Variants in UBXN6 observed in about 807,000 individuals in gnomAD.
The protein encoded by UBXN6 is UBX domain protein 6.
Under a neutral mutation model 51.4 loss-of-function variants are expected in UBXN6, and 44 were observed. The ratio of observed to expected loss-of-function variants is 0.86; its 90% CI spans 0.67 to 1.10. The LOEUF (loss-of-function observed/expected upper bound fraction) is 1.10. UBXN6 is among the 50% of genes least tolerant of loss of function. The pLI is 0.00. For synonymous variants in UBXN6, 316 were observed against 263.2 expected, an observed-to-expected ratio of 1.20 and a Z score of -1.94; for missense variants, 672 against 596.1, an observed-to-expected ratio of 1.13 and a Z score of -1.32.
chr19:4,446,482 C>T lies in UBXN6; in HGVS notation c.920+18G>A, dbSNP rs374622332. The T allele has an allele frequency of 1.4e-5, 23 of 1,599,264 alleles. No homozygotes were observed. Among genetic ancestry groups the T allele is most frequent in the Middle Eastern group, 1.7e-4 (1 of 6,042 alleles). On this transcript the variant is annotated intron_variant, in intron 8 of 10. Coordinates refer to ENST00000301281, the MANE Select transcript of UBXN6 (RefSeq NM_025241.3). The stretch of plus-strand genomic sequence containing the variant: ...CACCCCGCCCCGCCCCACTCTGCTC[C>T]GCGGACGTCAGGCCCACCTGAGCCT...
At chr19:4,447,033 G>T in intron 6 of UBXN6, 113 bp from the exon 7 acceptor site, 1 of 1,079,648 alleles carries the variant, frequency 9.3e-7, no homozygotes, top group Non-Finnish European at 1.4e-6. Flanking sequence ...GTCGACCCCT[G>T]GATGGGGCCC....
intron 1 of UBXN6, chr19:4,455,118 A>AGAGAC: frequency 1.3e-6 from 1 of 783,440 alleles, no homozygotes; most frequent in Non-Finnish European, 1.5e-6. Context: ...CCCACGTGGC[A>AGAGAC]CAGTGACCTG....
chr19:4,449,561 G>C (rs1207086275), intron 4 of UBXN6: 4 of 152,348 alleles, frequency 2.6e-5, no homozygotes, highest in African/African-American at 9.6e-5. Flanking sequence ...CAGCTTCCTT[G>C]GGATCAGAGC....
intron 4 of UBXN6, 74 bp from the exon 5 acceptor site, chr19:4,448,489 G>T: frequency 2.4e-6 from 3 of 1,250,290 alleles, no homozygotes; most frequent in Non-Finnish European, 2.3e-6. Context: ...CCAGGTAACA[G>T]GGGCAGGAAA....
intron 10 of UBXN6, chr19:4,445,824 GCACGTCACCGCTCC>G: frequency 4.8e-6 from 5 of 1,036,354 alleles, no homozygotes; most frequent in Non-Finnish European, 6.8e-6. Flanking sequence ...ACTAGCTAAC[GCACGTCACCGCTCC>G]CATTTGATGG....
chr19:4,452,888 G>C (rs1974678528), intron 3 of UBXN6, among the ~76,000 whole-genome samples: 1 of 152,172 alleles, frequency 6.6e-6, no homozygotes, highest in Non-Finnish European at 1.5e-5. Context: ...CCATTTCTAG[G>C]CCATCTCTAA....
rs1442728979 is a variant in UBXN6 at position 4,446,353 on chromosome 19, C to T, written c.981G>A (p.Glu327=). The change falls in exon 9 of 11, where the codon GAG becomes GAA. Residue 327 remains glutamate (E), a synonymous_variant. Transcript: ENST00000301281. ...LRTKAMREKE[E]QRGLRKYNYT... ...AGTTGTACTTGCGCAGCCCCCGCTGCTCCTCCTTCTCCCGCATGGCCTTGG... is the reference window on the plus strand; with the variant it reads ...AGTTGTACTTGCGCAGCCCCCGCTGTTCCTCCTTCTCCCGCATGGCCTTGG... 6.4e-7 allele frequency: 1 copy of T among 1,571,726 alleles called. No homozygotes were observed. The highest frequency in any genetic ancestry group is 8.6e-7 in the Non-Finnish European group (1 of 1,165,344).
chr19:4,445,387 G>A lies in UBXN6; in HGVS notation c.*111C>T. 3.9e-6 allele frequency: 6 copies of A among 1,543,392 alleles called. No homozygotes were observed. Among genetic ancestry groups the A allele is most frequent in the South Asian group, 1.2e-5 (1 of 82,084 alleles). ...GGCTGGCGCCCCTCCCGTGCCCATG[G>A]GGCAGAGCCAAGTATTTCCAGAGGT... On this transcript the variant is annotated 3_prime_UTR_variant, in exon 11 of 11. Transcript: ENST00000301281.
intron 4 of UBXN6, among the ~76,000 whole-genome samples, chr19:4,452,148 CAAA>C (rs558870909): frequency 3.8e-5 from 4 of 103,956 alleles, no homozygotes; most frequent in Non-Finnish European, 6.1e-5. Flanking sequence ...GACTCCATCT[CAAA>C]AAAAAAAAAA....
At chr19:4,452,337 G>A in intron 4 of UBXN6, 27 bp downstream of exon 4, 1 of 1,609,840 alleles carries the variant, frequency 6.2e-7, no homozygotes, top group South Asian at 1.1e-5. Flanking sequence ...TACAGGTTGG[G>A]GCAGGAGCAC....
At chr19:4,447,070 T>C (rs779496451) in intron 6 of UBXN6, 150 bp from the exon 7 acceptor site, 1 of 693,530 alleles carries the variant, frequency 1.4e-6, no homozygotes, top group Non-Finnish European at 2.4e-6. Flanking sequence ...CAGTGCTGGA[T>C]GCAAACCTGC....
chr19:4,453,654 C>A, intron 2 of UBXN6, 132 bp from the exon 3 acceptor site: 1 of 1,189,856 alleles, frequency 8.4e-7, no homozygotes, highest in South Asian at 1.4e-5. Context: ...TGCTGGAGGT[C>A]AGGCTGGAGG....
rs1162216255 is a variant in UBXN6 at position 4,446,121 on chromosome 19, A to G, written c.1128T>C (p.Pro376=). 1 of 1,612,442 alleles carries G rather than the reference A, an allele frequency of 6.2e-7. No individual in the cohort carries two copies. Among genetic ancestry groups the G allele is most frequent in the Admixed American group, 1.7e-5 (1 of 60,012 alleles). The change falls in exon 10 of 11, where the codon CCT becomes CCC. Residue 376 remains proline (P), a synonymous_variant. Transcript: ENST00000301281. ...GCCCTCCCGAGGCCAGCAGCTCAAAAGGCAGCCAGTCGCTCTGCAGGGCCT... is the reference window on the plus strand; with the variant it reads ...GCCCTCCCGAGGCCAGCAGCTCAAAGGGCAGCCAGTCGCTCTGCAGGGCCT... ...VREALQSDWL[P]FELLASGGQK...
Position 4,447,589 on chromosome 19 carries a change from C to A in UBXN6, c.576G>T (p.Glu192Asp). ...TCTGCAGCTTGATCTTCCGGTACTT[C>A]TCCTCCTCGGGGTGCAGGTGGATGT... ...LDNIHLHPEE[E>D]KYRKIKLQNK... The change falls in exon 6 of 11, where the codon GAG becomes GAT. Residue 192 changes from glutamate (E) to aspartate (D), a missense_variant. Transcript: ENST00000301281. 2 of 1,613,828 alleles carry A rather than the reference C, an allele frequency of 1.2e-6. No homozygotes were observed. Among genetic ancestry groups the A allele is most frequent in the Non-Finnish European group, 8.5e-7 (1 of 1,179,812 alleles).
Position 4,457,679 on chromosome 19 carries a change from C to G in UBXN6, c.19G>C (p.Glu7Gln). 1 of 1,595,272 alleles carries G rather than the reference C, an allele frequency of 6.3e-7. No individual in the cohort carries two copies. Among genetic ancestry groups the G allele is most frequent in the Non-Finnish European group, 8.5e-7 (1 of 1,172,834 alleles). Reference sequence around the variant, plus strand: ...TTGAACTTGATGTCGGCCTTGAACTCCTGAAAGAATTTCTTCATGGTGGCG... The same window carrying G: ...TTGAACTTGATGTCGGCCTTGAACTGCTGAAAGAATTTCTTCATGGTGGCG... The part of the protein sequence containing the change: MKKFFQ[E>Q]FKADIKFKSA... Residue 7 changes from glutamate to glutamine, a missense_variant, in exon 1 of 11, where the codon GAG becomes CAG. By Grantham distance (29) the Glu-to-Gln change is conservative. Transcript: ENST00000301281.
rs200646154 is a variant in UBXN6, at chr19:4,452,541, C to T, written c.313-49G>A. ...TCTGGACCGTGGACAGAGGCCACCC[C>T]GACCCTCGCCGAGCACCACAGTCCT... On this transcript the variant is annotated intron_variant, in intron 3 of 10. Transcript: ENST00000301281. The T allele has an allele frequency of 2.0e-4, 312 of 1,569,176 alleles. 2 individuals are homozygous for T. The African/African-American group carries it at 3.5e-3, about 17-fold the overall frequency.
intron 4 of UBXN6, among the ~76,000 whole-genome samples, chr19:4,451,719 C>T (rs1262611570): frequency 6.6e-6 from 1 of 151,894 alleles, no homozygotes; most frequent in Non-Finnish European, 1.5e-5. Flanking sequence ...CTCACCACAA[C>T]CTCTGCCTCC....
intron 2 of UBXN6, among the ~76,000 whole-genome samples, 180 bp from the exon 3 acceptor site, chr19:4,453,702 T>G (rs1974694396): frequency 2.0e-5 from 3 of 152,128 alleles, no homozygotes; most frequent in South Asian, 4.1e-4. Flanking sequence ...CCCCTCAGCC[T>G]GAGCAAGCAC....
chr19:4,446,982 C>T (rs1434109227), intron 6 of UBXN6, 62 bp from the exon 7 acceptor site: 2 of 1,534,504 alleles, frequency 1.3e-6, no homozygotes, highest in African/African-American at 1.4e-5. Context: ...GGCCACACCC[C>T]ACCCAGTCCA....
Sources: gnomAD v4.1 joint callset for allele counts (sites outside exome capture counted in the v4.1 genomes callset) on GRCh38, gnomAD v4.1.1 for gene constraint, MANE v1.5 for transcripts, NCBI Gene and HGNC (gene_info 2026-07-23, HGNC 2026-07-21) for gene names.